The following UBE2O variants were observed in gnomAD, a reference collection of about 807,000 sequenced individuals.
UBE2O encodes the protein ubiquitin conjugating enzyme E2 O.
In UBE2O, 15 loss-of-function variants were observed where a neutral mutation model predicts 125.8. That is an observed-to-expected ratio of 0.12 (90% CI 0.08 to 0.18). UBE2O has a LOEUF of 0.18. UBE2O is among the 10% of genes least tolerant of loss of function. The pLI, the probability that UBE2O is intolerant of heterozygous loss-of-function variation, is 1.00. For synonymous variants in UBE2O, 708 were observed against 703.2 expected, an observed-to-expected ratio of 1.01 and a Z score of -0.11; for missense variants, 1,280 against 1,723.6, an observed-to-expected ratio of 0.74 and a Z score of 4.56.
In UBE2O at chr17:76,390,851, A is replaced by C; in HGVS notation, c.*92T>G. 7.5e-7 allele frequency: 1 copy of C among 1,327,088 alleles called. No individual in the cohort carries two copies. Among genetic ancestry groups the C allele is most frequent in the Non-Finnish European group, 1.0e-6 (1 of 971,048 alleles). 82.2% of individuals were successfully genotyped at this position (1,327,088 alleles called of 1,614,324 possible). On this transcript the variant is annotated 3_prime_UTR_variant, in exon 18 of 18. Transcript: ENST00000319380. ...GGCAGTGGGTTTGCAGTGGGGACAG[A>C]GGGGCATGGGAAGAGGGGTGATTCC...
intron 1 of UBE2O, among the ~76,000 whole-genome samples, chr17:76,434,949 G>A (rs1287004101): frequency 2.0e-5 from 3 of 152,020 alleles, no homozygotes; most frequent in African/African-American, 7.3e-5. Context: ...CCCATCCAGG[G>A]ATCATGGATT....
At chr17:76,423,472 T>C (rs1270375454) in intron 1 of UBE2O, among the ~76,000 whole-genome samples, 1 of 151,790 alleles carries the variant, frequency 6.6e-6, no homozygotes, top group Non-Finnish European at 1.5e-5. Flanking sequence ...GGTGGGAGGA[T>C]CATGAGGTCA....
chr17:76,442,190 G>C (rs186322789), intron 1 of UBE2O, among the ~76,000 whole-genome samples: 10 of 152,328 alleles, frequency 6.6e-5, no homozygotes, highest in Admixed American at 6.5e-4. Context: ...TAGTCTGCCT[G>C]GGGAGCCCGC....
Position 76,392,119 on chromosome 17 carries a change from T to TAGGGAGGG in UBE2O, c.2947-14_2947-7dup. On this transcript the variant is annotated splice_region_variant and splice_polypyrimidine_tract_variant and intron_variant, in intron 15 of 17. Transcript: ENST00000319380. ...ATGAGAGCTGAGAAGAGGTCCTAGGTAGGGAGGGAGGGAGGGAGGCCAAGG... is the reference window on the plus strand; with the variant it reads ...ATGAGAGCTGAGAAGAGGTCCTAGGTAGGGAGGGAGGGAGGGAGGGAGGGAGGCCAAGG... The TAGGGAGGG allele has an allele frequency of 9.6e-7, 1 of 1,040,920 alleles. No homozygotes were observed. Among genetic ancestry groups the TAGGGAGGG allele is most frequent in the Non-Finnish European group, 1.3e-6 (1 of 755,874 alleles). The allele number at this position is 1,040,920 out of a possible 1,614,324, so 64.5% of individuals were successfully genotyped here.
rs751455157 is a variant in UBE2O, at chr17:76,395,866, A to AG, written c.2810-6dup. 5.6e-6 allele frequency: 9 copies of AG among 1,614,060 alleles called. No homozygotes were observed. Among genetic ancestry groups the AG allele is most frequent in the Admixed American group, 3.3e-5 (2 of 60,012 alleles). ...TTTTCTTAAAAGAATGATTTGCTAGAGGGGGGAAGAGAATAGTCAGTCCCT... is the reference window on the plus strand; with the variant it reads ...TTTTCTTAAAAGAATGATTTGCTAGAGGGGGGGAAGAGAATAGTCAGTCCCT... On this transcript the variant is annotated splice_polypyrimidine_tract_variant and splice_region_variant and intron_variant, in intron 14 of 17. Coordinates refer to ENST00000319380, the MANE Select transcript of UBE2O (RefSeq NM_022066.4). This position sits in a 1 kb window ranked among gnomAD's most constrained non-coding sequence, Gnocchi z 5.0.
intron 1 of UBE2O, among the ~76,000 whole-genome samples, chr17:76,416,849 A>G (rs1173722932): frequency 2.0e-5 from 3 of 152,206 alleles, no homozygotes; most frequent in Non-Finnish European, 4.4e-5. Flanking sequence ...CAGGACTCAA[A>G]TACTAACTAG....
At chr17:76,414,112 C>A (rs542408916) in intron 1 of UBE2O, among the ~76,000 whole-genome samples, 4 of 152,240 alleles carry the variant, frequency 2.6e-5, no homozygotes, top group Middle Eastern at 3.4e-3. Context: ...CAGCAAAGCA[C>A]AAATGGCCAG....
At chr17:76,406,380 G>C (rs1049754331) in intron 1 of UBE2O, among the ~76,000 whole-genome samples, 3 of 152,102 alleles carry the variant, frequency 2.0e-5, no homozygotes, top group Admixed American at 6.6e-5. Flanking sequence ...ATGGGTCTCT[G>C]TGTGTGTCCA....
At chr17:76,419,608 C>A (rs967234382) in intron 1 of UBE2O, among the ~76,000 whole-genome samples, 2 of 152,110 alleles carry the variant, frequency 1.3e-5, no homozygotes, top group African/African-American at 4.8e-5. Context: ...AACCTTGACC[C>A]ACCTCTGCTC....
intron 15 of UBE2O, among the ~76,000 whole-genome samples, chr17:76,394,601 T>C (rs373949750): frequency 6.6e-6 from 1 of 152,220 alleles, no homozygotes; most frequent in Non-Finnish European, 1.5e-5. Context: ...AAATATTATG[T>C]ACTTATGGTG....
chr17:76,449,088 T>G (rs1246302141), intron 1 of UBE2O, among the ~76,000 whole-genome samples: 1 of 152,270 alleles, frequency 6.6e-6, no homozygotes, highest in Non-Finnish European at 1.5e-5. Context: ...TTGTTTCTGT[T>G]GCTATTTTCA....
intron 1 of UBE2O, among the ~76,000 whole-genome samples, chr17:76,420,777 T>C (rs1188594968): frequency 2.6e-5 from 4 of 152,168 alleles, no homozygotes; most frequent in Non-Finnish European, 4.4e-5. Context: ...GTGTTGGTCC[T>C]GCCAGCATTC....
At chr17:76,411,157 G>A (rs919625780) in intron 1 of UBE2O, among the ~76,000 whole-genome samples, 4 of 152,026 alleles carry the variant, frequency 2.6e-5, no homozygotes, top group African/African-American at 9.7e-5. Flanking sequence ...GACTACAGGC[G>A]TACGCCACCA....
chr17:76,412,634 T>G (rs1025105989), intron 1 of UBE2O, among the ~76,000 whole-genome samples: 1 of 152,096 alleles, frequency 6.6e-6, no homozygotes, highest in Admixed American at 6.6e-5. Flanking sequence ...ATGTGCCCAC[T>G]CCACTGCCAG....
chr17:76,415,891 A>G (rs1370931966), intron 1 of UBE2O, among the ~76,000 whole-genome samples: 2 of 152,000 alleles, frequency 1.3e-5, no homozygotes, highest in Non-Finnish European at 2.9e-5. Flanking sequence ...ATATGTACAT[A>G]CACGTATATA....
chr17:76,395,448 T>A lies in UBE2O; in HGVS notation c.2946+277A>T. 3.5e-6 allele frequency: 1 copy of A among 284,262 alleles called. No homozygotes were observed. Among genetic ancestry groups the A allele is most frequent in the Admixed American group, 5.0e-5 (1 of 20,124 alleles). The allele number at this position is 284,262 out of a possible 1,614,324, so 17.6% of individuals were successfully genotyped here. ...ACCTCGTGATCCACCCACCTCGGCC[T>A]CCCAAAGTGCTGGGATTACGGGTGT... On this transcript the variant is annotated intron_variant, in intron 15 of 17. Coordinates refer to ENST00000319380, the MANE Select transcript of UBE2O (RefSeq NM_022066.4). This position sits in a 1 kb window ranked among gnomAD's most constrained non-coding sequence, Gnocchi z 5.0.
chr17:76,439,513 G>A (rs577184091), intron 1 of UBE2O, among the ~76,000 whole-genome samples: 9 of 152,270 alleles, frequency 5.9e-5, no homozygotes, highest in Admixed American at 1.3e-4. Flanking sequence ...GTGTGATGAC[G>A]TCACTGCTCT....
chr17:76,404,001 T>TA lies in UBE2O; in HGVS notation c.588+1204dup, dbSNP rs755924631. Among the ~76,000 whole-genome samples, 68 of 151,056 alleles carry TA rather than the reference T, an allele frequency of 4.5e-4. No individual in the cohort carries two copies. The highest frequency in any genetic ancestry group is 3.5e-3 in the East Asian group (18 of 5,160). On this transcript the variant is annotated intron_variant, in intron 3 of 17. Coordinates refer to ENST00000319380, the MANE Select transcript of UBE2O (RefSeq NM_022066.4). The surrounding 1 kb of genome is among the most constrained non-coding windows in gnomAD (Gnocchi z 4.3). ...ACAGAAATCTCTAAGTCCATACTGA[T>TA]AAAAAAAAAGAATACATAAATAGGG...
chr17:76,389,486 C>T lies in UBE2O; in HGVS notation c.*1457G>A, dbSNP rs567426465. 146 of 141,582 alleles carry T rather than the reference C, an allele frequency of 1.0e-3. 1 individual carries two copies. Among genetic ancestry groups the T allele is most frequent in the African/African-American group, 3.8e-3 (144 of 37,412 alleles). The allele number at this position is 141,582 out of a possible 1,614,324, so 8.8% of individuals were successfully genotyped here. A position where few individuals can be genotyped will look rare whatever the true frequency, so the allele number is the denominator to read the frequency against. ...GGCAGAGGGAGGTTTAATGGTGTCA[C>T]CTTGTCTTGCTAATGAGCCAACACA... On this transcript the variant is annotated 3_prime_UTR_variant, in exon 18 of 18. Coordinates refer to ENST00000319380, the MANE Select transcript of UBE2O (RefSeq NM_022066.4).
Sources: gnomAD v4.1 joint callset for allele counts (sites outside exome capture counted in the v4.1 genomes callset) on GRCh38, gnomAD v4.1.1 for gene constraint, Gnocchi (gnomAD v3.1) non-coding constraint, MANE v1.5 for transcripts, NCBI Gene and HGNC (gene_info 2026-07-23, HGNC 2026-07-21) for gene names.